The following KCNIP4 variants were observed in gnomAD, a reference collection of about 807,000 sequenced individuals.
KCNIP4 encodes the protein Kv channel-interacting protein 4.
Under a neutral mutation model 34.0 loss-of-function variants are expected in KCNIP4, and 12 were observed. The observed-to-expected ratio is 0.35, with a 90% confidence interval of 0.23 to 0.57. KCNIP4 has a LOEUF of 0.57. KCNIP4 is among the 20% of genes least tolerant of loss of function. The pLI is 0.83. For synonymous variants in KCNIP4, 124 were observed against 102.2 expected (o/e 1.21, Z -1.29); for missense variants, 238 against 311.7 (o/e 0.76, Z 1.78).
chr4:21,152,620 T>A (rs1031699057), intron 1 of KCNIP4, among the ~76,000 whole-genome samples: 1 of 152,042 alleles, frequency 6.6e-6, no homozygotes, highest in Non-Finnish European at 1.5e-5. Context: ...CCCAGGAGAT[T>A]TTCCCACTGT....
chr4:21,246,912 G>A (rs181469417), intron 1 of KCNIP4, among the ~76,000 whole-genome samples: 1 of 152,206 alleles, frequency 6.6e-6, no homozygotes, highest in Admixed American at 6.5e-5. Context: ...ATGCAATTAT[G>A]AAAATATAAT....
intron 1 of KCNIP4, among the ~76,000 whole-genome samples, chr4:21,652,391 C>T (rs938875951): frequency 7.2e-5 from 11 of 152,286 alleles, no homozygotes; most frequent in Admixed American, 7.2e-4. Context: ...AGAAATACCT[C>T]AGGCCTTCCT....
At chr4:20,825,225 G>GTTTTTTTTT (rs71181592) in intron 3 of KCNIP4, among the ~76,000 whole-genome samples, 10 of 113,618 alleles carry the variant, frequency 8.8e-5, no homozygotes, top group Non-Finnish European at 1.2e-4. Flanking sequence ...TCAATTTTAC[G>GTTTTTTTTT]TTTTTTTTTT....
chr4:21,260,967 T>C (rs1761430363), intron 1 of KCNIP4, among the ~76,000 whole-genome samples: 2 of 152,206 alleles, frequency 1.3e-5, no homozygotes, highest in Admixed American at 1.3e-4. Context: ...CAAGGAGACG[T>C]TTTCTGACTG....
intron 3 of KCNIP4, among the ~76,000 whole-genome samples, chr4:20,805,734 G>C (rs551491581): frequency 6.6e-6 from 1 of 152,106 alleles, no homozygotes; most frequent in Non-Finnish European, 1.5e-5. Context: ...TGTCTTTAAT[G>C]GTTCTCATTC....
rs1343332784 is a variant in KCNIP4 at position 20,917,303 on chromosome 4, C to T, written c.62-34594G>A. Among the ~76,000 whole-genome samples the T allele has an allele frequency of 2.6e-5, 4 of 151,764 alleles. No individual in the cohort carries two copies. In the East Asian group the frequency reaches 7.8e-4, roughly 30 times the overall value. Reference sequence around the variant, plus strand: ...TCGGCCTCCCAAAGTGCTGGGATTACAGGCATGAACCACCCGCCCCGGCCA... The same window carrying T: ...TCGGCCTCCCAAAGTGCTGGGATTATAGGCATGAACCACCCGCCCCGGCCA... On this transcript the variant is annotated intron_variant, in intron 1 of 8. Coordinates refer to ENST00000382152, the MANE Select transcript of KCNIP4 (RefSeq NM_025221.6).
intron 1 of KCNIP4, among the ~76,000 whole-genome samples, chr4:21,916,087 A>C (rs1728615561): frequency 6.6e-6 from 1 of 152,252 alleles, no homozygotes. Context: ...TGTTTGGGTC[A>C]AAATACCTTC....
intron 1 of KCNIP4, among the ~76,000 whole-genome samples, chr4:21,319,777 A>C (rs1409851549): frequency 6.6e-6 from 1 of 152,200 alleles, no homozygotes; most frequent in Non-Finnish European, 1.5e-5. Context: ...TCACTTCCAC[A>C]AAAACAGAAT....
At chr4:21,369,121 A>G (rs1285110530) in intron 1 of KCNIP4, among the ~76,000 whole-genome samples, 1 of 147,220 alleles carries the variant, frequency 6.8e-6, no homozygotes, top group African/African-American at 2.7e-5. Context: ...AAATTAAGGT[A>G]ACCTGATTGA....
chr4:21,866,420 A>G (rs754901182), intron 1 of KCNIP4, among the ~76,000 whole-genome samples: 2 of 152,224 alleles, frequency 1.3e-5, no homozygotes, highest in Non-Finnish European at 2.9e-5. Flanking sequence ...TAATATCTGT[A>G]GGGAGTTGCT....
intron 1 of KCNIP4, among the ~76,000 whole-genome samples, chr4:21,083,595 T>G (rs1746185879): frequency 6.6e-6 from 1 of 151,618 alleles, no homozygotes; most frequent in African/African-American, 2.4e-5. Flanking sequence ...AGTCAGAGAT[T>G]GGAGTTAGGC....
chr4:20,755,316 T>C (rs1262666018), intron 4 of KCNIP4, among the ~76,000 whole-genome samples: 2 of 152,192 alleles, frequency 1.3e-5, no homozygotes, highest in African/African-American at 4.8e-5. Flanking sequence ...TAAAACCAAA[T>C]GGATTAAAAC....
intron 1 of KCNIP4, among the ~76,000 whole-genome samples, chr4:21,291,610 G>T (rs143620799): frequency 0.019 from 2,917 of 152,014 alleles, 84 homozygotes; most frequent in African/African-American, 0.064. Context: ...AGCACTTTGG[G>T]AGGCCGAGGC....
At chr4:21,902,495 T>C (rs1426162270) in intron 1 of KCNIP4, among the ~76,000 whole-genome samples, 4 of 152,030 alleles carry the variant, frequency 2.6e-5, no homozygotes, top group Non-Finnish European at 5.9e-5. Context: ...TAAGATGAGA[T>C]GTTCACAGAA....
chr4:21,714,786 A>ATGTAT (rs1553923859), intron 1 of KCNIP4, among the ~76,000 whole-genome samples: 1 of 46,250 alleles, frequency 2.2e-5, no homozygotes, highest in Non-Finnish European at 3.7e-5. Flanking sequence ...TTTCCCTTTG[A>ATGTAT]TTATTTTATT....
intron 2 of KCNIP4, among the ~76,000 whole-genome samples, chr4:20,860,529 TATTTGAGCTGAAATTA>T (rs776839767): frequency 2.0e-5 from 3 of 152,250 alleles, no homozygotes; most frequent in Non-Finnish European, 4.4e-5. Context: ...TTTAAAATTC[TATTTGAGCTGAAATTA>T]ATTTGTCTAG....
intron 1 of KCNIP4, among the ~76,000 whole-genome samples, chr4:21,345,245 G>A (rs751729290): frequency 1.9e-4 from 29 of 152,212 alleles, no homozygotes; most frequent in Non-Finnish European, 3.2e-4. Context: ...AGTCCATGTG[G>A]TGAGGAACTG....
chr4:21,049,558 T>G (rs971122818), intron 1 of KCNIP4, among the ~76,000 whole-genome samples: 1 of 152,190 alleles, frequency 6.6e-6, no homozygotes, highest in African/African-American at 2.4e-5. Flanking sequence ...GTACAAGTGT[T>G]TCTATTCTGT....
At chr4:21,326,575 TA>T (rs1245450530) in intron 1 of KCNIP4, among the ~76,000 whole-genome samples, 1 of 151,792 alleles carries the variant, frequency 6.6e-6, no homozygotes, top group African/African-American at 2.4e-5. Context: ...TTGTTTATTT[TA>T]TTTTTTTTAA....
Sources: gnomAD v4.1 joint callset for allele counts (sites outside exome capture counted in the v4.1 genomes callset) on GRCh38, gnomAD v4.1.1 for gene constraint, MANE v1.5 for transcripts, NCBI Gene and HGNC (gene_info 2026-07-23, HGNC 2026-07-21) for gene names.